CHST9: variants seen among roughly 807,000 people sequenced by gnomAD.
CHST9 encodes GalNAc-4-sulfotransferase 2.
A neutral mutation model predicts 44.4 loss-of-function variants in CHST9; 41 were observed. The ratio of observed to expected loss-of-function variants is 0.92; its 90% confidence interval spans 0.72 to 1.20. The LOEUF (loss-of-function observed/expected upper bound fraction) is 1.20. Ranked by LOEUF, CHST9 falls within the 50% of genes most tolerant of loss-of-function variation. The pLI is 0.00. For synonymous variants in CHST9, 171 were observed against 178.4 expected, an observed-to-expected ratio of 0.96 and a Z score of 0.33; for missense variants, 504 against 516.5, an observed-to-expected ratio of 0.98 and a Z score of 0.23.
At chr18:27,015,477 G>T (rs1432487038) in intron 4 of CHST9, among the ~76,000 whole-genome samples, 1 of 151,948 alleles carries the variant, frequency 6.6e-6, no homozygotes, top group African/African-American at 2.4e-5. Flanking sequence ...TTTGAACTCT[G>T]CACCCAGCTC....
At chr18:26,995,188 C>T (rs1175324954) in intron 4 of CHST9, among the ~76,000 whole-genome samples, 1 of 150,610 alleles carries the variant, frequency 6.6e-6, no homozygotes, top group African/African-American at 2.4e-5. Context: ...CTTTGGGAGT[C>T]CAAGGTGGGT....
chr18:27,108,250 C>T (rs2058239481), intron 2 of CHST9, among the ~76,000 whole-genome samples: 1 of 152,122 alleles, frequency 6.6e-6, no homozygotes, highest in Admixed American at 6.5e-5. Context: ...AAATACATGT[C>T]TCTGCTGAGG....
chr18:27,053,066 T>TATCCCAGA (rs1396648444), intron 2 of CHST9, among the ~76,000 whole-genome samples: 1 of 145,888 alleles, frequency 6.9e-6, no homozygotes, highest in Non-Finnish European at 1.5e-5. Context: ...TCAGCACATG[T>TATCCCAGA]ATCCCAGAAC....
chr18:27,160,126 G>A (rs1376881239), intron 1 of CHST9, among the ~76,000 whole-genome samples: 3 of 152,038 alleles, frequency 2.0e-5, no homozygotes, highest in African/African-American at 4.8e-5. Context: ...GATTGCCCTG[G>A]CCAGAACTTC....
chr18:26,925,310 G>T (rs1158669622), intron 5 of CHST9, among the ~76,000 whole-genome samples: 1 of 145,742 alleles, frequency 6.9e-6, no homozygotes, highest in African/African-American at 2.5e-5. Context: ...TAGACTAGGG[G>T]GCATGGAGCA....
At chr18:27,173,562 A>G (rs2058847693) in intron 1 of CHST9, among the ~76,000 whole-genome samples, 2 of 149,330 alleles carry the variant, frequency 1.3e-5, no homozygotes, top group Non-Finnish European at 2.9e-5. Flanking sequence ...ATTTTATCTA[A>G]TACATACTGA....
At chr18:27,156,994 G>C (rs2058702672) in intron 1 of CHST9, among the ~76,000 whole-genome samples, 1 of 151,960 alleles carries the variant, frequency 6.6e-6, no homozygotes. Flanking sequence ...TTATTATCTA[G>C]ATAAAATGTG....
At chr18:26,998,983 C>T (rs2056919033) in intron 4 of CHST9, among the ~76,000 whole-genome samples, 4 of 152,130 alleles carry the variant, frequency 2.6e-5, no homozygotes, top group South Asian at 2.1e-4. Flanking sequence ...TCCACAATTC[C>T]CCAGCCCCAT....
chr18:26,951,038 A>C (rs1040936722), intron 4 of CHST9, among the ~76,000 whole-genome samples: 4 of 152,172 alleles, frequency 2.6e-5, no homozygotes, highest in African/African-American at 9.7e-5. Flanking sequence ...AGATTTCTTA[A>C]ATTTTAATCT....
intron 2 of CHST9, among the ~76,000 whole-genome samples, chr18:27,072,885 C>CA (rs1158011392): frequency 6.6e-6 from 1 of 152,068 alleles, no homozygotes; most frequent in African/African-American, 2.4e-5. Flanking sequence ...CCTTGCAACT[C>CA]AAAGTATGGG....
chr18:26,932,024 C>T (rs1375971839), intron 5 of CHST9, among the ~76,000 whole-genome samples: 2 of 152,058 alleles, frequency 1.3e-5, no homozygotes, highest in Non-Finnish European at 2.9e-5. Context: ...CAAATGAATA[C>T]AATCCTTTGT....
Position 26,916,156 on chromosome 18 carries a change from C to T in CHST9, c.*103G>A. 2 of 934,360 alleles carry T rather than the reference C, an allele frequency of 2.1e-6. No homozygotes were observed. The highest frequency in any genetic ancestry group is 3.2e-6 in the Non-Finnish European group (2 of 619,022). The allele number at this position is 934,360 out of a possible 1,614,324, so 57.9% of individuals were successfully genotyped here. A position where few individuals can be genotyped will look rare whatever the true frequency, so the allele number is the denominator to read the frequency against. ...AATCTACATTAAATCAAGACAACTG[C>T]ACTTGGTTAAATTTCTGTCATACAG... On this transcript the variant is annotated 3_prime_UTR_variant, in exon 6 of 6. Coordinates refer to ENST00000618847, the MANE Select transcript of CHST9 (RefSeq NM_031422.6).
intron 2 of CHST9, among the ~76,000 whole-genome samples, chr18:27,062,475 C>T (rs1487599446): frequency 2.6e-5 from 4 of 152,206 alleles, no homozygotes; most frequent in South Asian, 4.2e-4. Context: ...TCCATGTCCC[C>T]ACAAAGGACA....
chr18:27,052,166 T>A (rs1237007180), intron 2 of CHST9, among the ~76,000 whole-genome samples: 1 of 152,062 alleles, frequency 6.6e-6, no homozygotes, highest in Non-Finnish European at 1.5e-5. Context: ...ATTCCACCTA[T>A]TAGTTTTATC....
intron 3 of CHST9, among the ~76,000 whole-genome samples, chr18:27,042,177 C>T (rs1430377282): frequency 6.6e-6 from 1 of 152,048 alleles, no homozygotes; most frequent in Non-Finnish European, 1.5e-5. Flanking sequence ...TATTTTGCTT[C>T]TTTTTTCAGC....
At chr18:27,095,640 CTTATA>C (rs2058109372) in intron 2 of CHST9, among the ~76,000 whole-genome samples, 1 of 152,110 alleles carries the variant, frequency 6.6e-6, no homozygotes, top group South Asian at 2.1e-4. Flanking sequence ...GATTGCTATT[CTTATA>C]TTAGATAAAA....
chr18:27,075,719 A>T (rs1413097382), intron 2 of CHST9, among the ~76,000 whole-genome samples: 1 of 148,634 alleles, frequency 6.7e-6, no homozygotes, highest in Non-Finnish European at 1.5e-5. Context: ...AACTTCTTAC[A>T]TCTCCTATTA....
chr18:27,107,475 G>C (rs2058231718), intron 2 of CHST9, among the ~76,000 whole-genome samples: 1 of 152,062 alleles, frequency 6.6e-6, no homozygotes, highest in Admixed American at 6.6e-5. Flanking sequence ...ATTGTTTATG[G>C]GTCAATTCTG....
chr18:27,125,131 G>A (rs1432334442), intron 2 of CHST9, among the ~76,000 whole-genome samples: 1 of 152,002 alleles, frequency 6.6e-6, no homozygotes, highest in Non-Finnish European at 1.5e-5. Context: ...ATTATGTGAT[G>A]GGTCATATAG....
Sources: gnomAD v4.1 joint callset for allele counts (sites outside exome capture counted in the v4.1 genomes callset) on GRCh38, gnomAD v4.1.1 for gene constraint, MANE v1.5 for transcripts, NCBI Gene and HGNC (gene_info 2026-07-23, HGNC 2026-07-21) for gene names.